The following RAB28 variants were observed in gnomAD, a reference collection of about 807,000 sequenced individuals.
RAB28 encodes RAB28, member RAS oncogene family.
Under a neutral mutation model 31.7 loss-of-function variants are expected in RAB28, and 24 were observed. The ratio of observed to expected loss-of-function variants is 0.76; its 90% confidence interval spans 0.55 to 1.06. The LOEUF (loss-of-function observed/expected upper bound fraction) is 1.06, where lower values mean the gene tolerates loss of function less well. RAB28 is among the 50% of genes least tolerant of loss of function. RAB28 has a pLI of 0.00. For synonymous variants in RAB28, 100 were observed against 90.4 expected (o/e 1.11, Z -0.60); for missense variants, 254 against 258.5 (o/e 0.98, Z 0.12).
intron 3 of RAB28, among the ~76,000 whole-genome samples, chr4:13,464,086 T>A (rs11947665): frequency 0.091 from 13,845 of 151,956 alleles, 1,226 homozygotes; most frequent in African/African-American, 0.23. Flanking sequence ...CAGCCACTAG[T>A]AACAGTAATG....
At chr4:13,421,952 G>A (rs962103580) in intron 4 of RAB28, among the ~76,000 whole-genome samples, 1 of 152,022 alleles carries the variant, frequency 6.6e-6, no homozygotes, top group African/African-American at 2.4e-5. Flanking sequence ...ACTACCATCA[G>A]AGTGAACAGG....
At chr4:13,481,136 A>G (rs938234182) in intron 1 of RAB28, among the ~76,000 whole-genome samples, 2 of 152,072 alleles carry the variant, frequency 1.3e-5, no homozygotes, top group Non-Finnish European at 1.5e-5. Context: ...GTTAAGGAAT[A>G]TTCAGAAAAA....
chr4:13,445,624 T>A (rs1490215259), intron 4 of RAB28, among the ~76,000 whole-genome samples: 1 of 152,036 alleles, frequency 6.6e-6, no homozygotes, highest in African/African-American at 2.4e-5. Context: ...CTTCTGCAGA[T>A]CTGCTGCAGT....
chr4:13,473,810 T>C, intron 3 of RAB28: 1 of 370,612 alleles, frequency 2.7e-6, no homozygotes, highest in Non-Finnish European at 5.3e-6. Flanking sequence ...AATTATTGTA[T>C]GTGTTTCACA....
At chr4:13,459,894 C>T in intron 4 of RAB28, 1 of 1,289,308 alleles carries the variant, frequency 7.8e-7, no homozygotes, top group Non-Finnish European at 1.0e-6. Context: ...AGCTGTGTTG[C>T]TGTTCTTCAT....
intron 6 of RAB28, chr4:13,369,859 A>G (rs1728649790): frequency 1.3e-6 from 2 of 1,598,166 alleles, no homozygotes; most frequent in South Asian, 2.3e-5. Context: ...GTAATAATTT[A>G]TCACTTAATA....
At chr4:13,425,777 AT>A (rs1713447797) in intron 4 of RAB28, among the ~76,000 whole-genome samples, 2 of 152,054 alleles carry the variant, frequency 1.3e-5, no homozygotes, top group Non-Finnish European at 2.9e-5. Flanking sequence ...CTTTAGTTGT[AT>A]TGTTTGTTTG....
intron 4 of RAB28, among the ~76,000 whole-genome samples, chr4:13,383,763 C>T (rs1046739115): frequency 3.3e-5 from 5 of 152,342 alleles, no homozygotes; most frequent in Non-Finnish European, 7.4e-5. Flanking sequence ...GGCAGTTCCC[C>T]TGCACATGCC....
At chr4:13,405,228 T>C (rs1341522533) in intron 4 of RAB28, among the ~76,000 whole-genome samples, 2 of 152,166 alleles carry the variant, frequency 1.3e-5, no homozygotes, top group African/African-American at 2.4e-5. Context: ...TACTGGGGTA[T>C]ATTACTAAAT....
At chr4:13,478,816 A>G (rs1716481852) in intron 2 of RAB28, among the ~76,000 whole-genome samples, 1 of 151,724 alleles carries the variant, frequency 6.6e-6, no homozygotes, top group Non-Finnish European at 1.5e-5. Flanking sequence ...TATTTCCCAC[A>G]AAATGTGCTG....
At chr4:13,451,683 T>C (rs927520410) in intron 4 of RAB28, among the ~76,000 whole-genome samples, 2 of 151,938 alleles carry the variant, frequency 1.3e-5, no homozygotes, top group African/African-American at 4.8e-5. Flanking sequence ...GTTTTCTCTA[T>C]GTTTCCTCTA....
At chr4:13,439,662 C>CTA (rs1475654545) in intron 4 of RAB28, among the ~76,000 whole-genome samples, 12 of 152,174 alleles carry the variant, frequency 7.9e-5, no homozygotes, top group Admixed American at 7.9e-4. Context: ...TAACTTATAC[C>CTA]TATGTTTTCG....
intron 5 of RAB28, among the ~76,000 whole-genome samples, chr4:13,377,344 A>C (rs1250857936): frequency 6.6e-6 from 1 of 152,162 alleles, no homozygotes; most frequent in Admixed American, 6.5e-5. Flanking sequence ...CCATATTCTT[A>C]TCCCTATTCA....
chr4:13,474,008 C>G (rs1716235552), intron 3 of RAB28: 1 of 418,658 alleles, frequency 2.4e-6, no homozygotes, highest in Non-Finnish European at 4.6e-6. Flanking sequence ...GTCACTATAA[C>G]AAAACCAGCT....
chr4:13,384,245 A>G (rs534387828), intron 4 of RAB28, among the ~76,000 whole-genome samples: 381 of 152,290 alleles, frequency 2.5e-3, no homozygotes, highest in South Asian at 5.2e-3. Flanking sequence ...CCATGCTAAT[A>G]CCACCACCAG....
At chr4:13,384,885 A>G (rs1457526432) in intron 4 of RAB28, among the ~76,000 whole-genome samples, 1 of 152,174 alleles carries the variant, frequency 6.6e-6, no homozygotes, top group Non-Finnish European at 1.5e-5. Context: ...ATGACAGAAA[A>G]AGAATTCAGA....
At chr4:13,408,222 G>A (rs538202912) in intron 4 of RAB28, among the ~76,000 whole-genome samples, 23 of 152,272 alleles carry the variant, frequency 1.5e-4, no homozygotes, top group African/African-American at 4.8e-4. Flanking sequence ...TTAGCACTAA[G>A]GGTTGTTGAA....
At chr4:13,427,822 A>C (rs1577204782) in intron 4 of RAB28, among the ~76,000 whole-genome samples, 1 of 152,166 alleles carries the variant, frequency 6.6e-6, no homozygotes, top group Admixed American at 6.5e-5. Flanking sequence ...ATGGGGCTAA[A>C]GTAACCCTAG....
chr4:13,431,576 C>T (rs1347043368), intron 4 of RAB28, among the ~76,000 whole-genome samples: 1 of 152,072 alleles, frequency 6.6e-6, no homozygotes, highest in Admixed American at 6.5e-5. Flanking sequence ...GAGACCTCCA[C>T]ACCATCAGGC....
Sources: gnomAD v4.1 joint callset for allele counts (sites outside exome capture counted in the v4.1 genomes callset) on GRCh38, gnomAD v4.1.1 for gene constraint, MANE v1.5 for transcripts, NCBI Gene and HGNC (gene_info 2026-07-23, HGNC 2026-07-21) for gene names.